IMMP2L: variants seen among roughly 807,000 people sequenced by gnomAD.
IMMP2L encodes the protein mitochondrial inner membrane protease subunit 2.
IMMP2L carries 18 observed loss-of-function variants against 19.3 expected under a neutral mutation model. The observed-to-expected ratio is 0.93, with a 90% CI of 0.64 to 1.38. The LOEUF is 1.38. Ranked by LOEUF, IMMP2L falls within the 40% of genes most tolerant of loss-of-function variation. IMMP2L has a pLI of 0.00. For missense variants in IMMP2L, 233 were observed against 218.2 expected (o/e 1.07, Z -0.43); for synonymous variants, 76 against 73.0 (o/e 1.04, Z -0.21).
chr7:111,199,544 G>A (rs1171043348), intron 3 of IMMP2L, among the ~76,000 whole-genome samples: 1 of 152,118 alleles, frequency 6.6e-6, no homozygotes, highest in African/African-American at 2.4e-5. Context: ...AATCACTAAA[G>A]TTATTCTCCT....
At chr7:111,444,967 T>C (rs1389041658) in intron 3 of IMMP2L, among the ~76,000 whole-genome samples, 1 of 152,134 alleles carries the variant, frequency 6.6e-6, no homozygotes, top group African/African-American at 2.4e-5. Context: ...CAGTTATATA[T>C]TAATCAAGAT....
chr7:111,030,811 T>A (rs1790684567), intron 3 of IMMP2L, among the ~76,000 whole-genome samples: 1 of 150,690 alleles, frequency 6.6e-6, no homozygotes, highest in Non-Finnish European at 1.5e-5. Context: ...TGTACATACA[T>A]ATGTGTGTAT....
At chr7:111,379,956 C>A (rs892140289) in intron 3 of IMMP2L, among the ~76,000 whole-genome samples, 2 of 151,780 alleles carry the variant, frequency 1.3e-5, no homozygotes, top group African/African-American at 4.8e-5. Flanking sequence ...TCTCCATAGC[C>A]AATTCAGTAT....
At chr7:111,018,358 AT>A (rs1825914218) in intron 3 of IMMP2L, among the ~76,000 whole-genome samples, 3 of 152,166 alleles carry the variant, frequency 2.0e-5, no homozygotes, top group Admixed American at 6.5e-5. Flanking sequence ...GCTTGATGAT[AT>A]ACATAGGAAC....
intron 5 of IMMP2L, among the ~76,000 whole-genome samples, chr7:110,690,912 TTGAATGCAA>T (rs1026306021): frequency 3.9e-5 from 6 of 152,032 alleles, no homozygotes; most frequent in Non-Finnish European, 5.9e-5. Flanking sequence ...AATCTACAGA[TTGAATGCAA>T]TCCACATCAA....
At chr7:111,341,318 C>T (rs1826987197) in intron 3 of IMMP2L, among the ~76,000 whole-genome samples, 1 of 152,016 alleles carries the variant, frequency 6.6e-6, no homozygotes, top group African/African-American at 2.4e-5. Flanking sequence ...AGCCACTGTT[C>T]TAGGCACCTG....
chr7:111,295,540 T>C (rs948033837), intron 3 of IMMP2L, among the ~76,000 whole-genome samples: 3 of 151,808 alleles, frequency 2.0e-5, no homozygotes, highest in Admixed American at 6.6e-5. Flanking sequence ...CAGAGAAGCA[T>C]GCAGCAAACA....
At chr7:110,698,645 G>A (rs1214296273) in intron 5 of IMMP2L, among the ~76,000 whole-genome samples, 1 of 152,168 alleles carries the variant, frequency 6.6e-6, no homozygotes, top group Non-Finnish European at 1.5e-5. Flanking sequence ...ATGCTCCAAG[G>A]ATGGCAGGGC....
At chr7:110,824,409 T>G (rs1803282698) in intron 5 of IMMP2L, among the ~76,000 whole-genome samples, 1 of 152,136 alleles carries the variant, frequency 6.6e-6, no homozygotes, top group African/African-American at 2.4e-5. Context: ...CTTTGTATAG[T>G]TCTAGATAAG....
At chr7:111,050,698 T>A (rs974985068) in intron 3 of IMMP2L, among the ~76,000 whole-genome samples, 1 of 152,220 alleles carries the variant, frequency 6.6e-6, no homozygotes, top group Non-Finnish European at 1.5e-5. Context: ...TGCCTGTTTA[T>A]CAATACCAGC....
At chr7:111,171,940 A>C (rs1806494755) in intron 3 of IMMP2L, among the ~76,000 whole-genome samples, 1 of 151,540 alleles carries the variant, frequency 6.6e-6, no homozygotes, top group South Asian at 2.1e-4. Flanking sequence ...GAAAGGAATA[A>C]CTTGAAAAAA....
intron 3 of IMMP2L, among the ~76,000 whole-genome samples, chr7:111,389,837 G>A (rs1303874182): frequency 1.3e-5 from 2 of 152,164 alleles, no homozygotes; most frequent in Admixed American, 1.3e-4. Context: ...AAAAAAGTAT[G>A]CTTGTGCTAG....
At chr7:111,008,514 A>C (rs1824550400) in intron 3 of IMMP2L, among the ~76,000 whole-genome samples, 1 of 151,978 alleles carries the variant, frequency 6.6e-6, no homozygotes, top group African/African-American at 2.4e-5. Context: ...CTAGGCTCCT[A>C]GCCACCTCCT....
chr7:111,282,267 T>C (rs77026734), intron 3 of IMMP2L, among the ~76,000 whole-genome samples: 1 of 152,258 alleles, frequency 6.6e-6, no homozygotes, highest in African/African-American at 2.4e-5. Context: ...GTTAAACAAA[T>C]TTTTTAAGGC....
chr7:111,411,798 C>A, intron 3 of IMMP2L: 1 of 202,588 alleles, frequency 4.9e-6, no homozygotes, highest in South Asian at 9.6e-5. Flanking sequence ...AATTATGAGC[C>A]AATCGATGCC....
At chr7:110,719,409 C>G (rs1315948279) in intron 5 of IMMP2L, among the ~76,000 whole-genome samples, 1 of 151,976 alleles carries the variant, frequency 6.6e-6, no homozygotes, top group African/African-American at 2.4e-5. Flanking sequence ...ATGTAATACA[C>G]AACCAAGGGT....
rs148597494 is a variant in IMMP2L at position 111,316,634 on chromosome 7, T to A, written c.239+170604A>T. 6.7e-3 allele frequency among the ~76,000 whole-genome samples: 1,020 copies of A among 151,986 alleles called. 13 individuals carry two copies. Among genetic ancestry groups the A allele is most frequent in the African/African-American group, 0.023 (936 of 41,470 alleles). ...GAGTAGAGAGAATAAACAAATTTTT[T>A]AAAAAGTAAAGGGAGAAAAGGGAAA... is the stretch of plus-strand genomic sequence containing the variant. On this transcript the variant is annotated intron_variant, in intron 3 of 5. Coordinates refer to ENST00000405709, the MANE Select transcript of IMMP2L (RefSeq NM_032549.4).
intron 3 of IMMP2L, among the ~76,000 whole-genome samples, chr7:111,026,884 C>CTT (rs1187616133): frequency 1.3e-5 from 2 of 152,026 alleles, no homozygotes; most frequent in East Asian, 3.9e-4. Flanking sequence ...TTTATTTCCT[C>CTT]TTTTTTTCTG....
intron 3 of IMMP2L, among the ~76,000 whole-genome samples, chr7:111,306,312 G>T (rs1822862270): frequency 6.6e-6 from 1 of 152,012 alleles, no homozygotes; most frequent in Non-Finnish European, 1.5e-5. Flanking sequence ...GTGAAATTTG[G>T]GTGATGATGT....
Sources: gnomAD v4.1 joint callset for allele counts (sites outside exome capture counted in the v4.1 genomes callset) on GRCh38, gnomAD v4.1.1 for gene constraint, MANE v1.5 for transcripts, NCBI Gene and HGNC (gene_info 2026-07-23, HGNC 2026-07-21) for gene names.